Variants in DAB1 observed in about 807,000 individuals in gnomAD.
DAB1 encodes the protein DAB adaptor protein 1.
A neutral mutation model predicts 64.6 loss-of-function variants in DAB1; 15 were observed. The observed-to-expected ratio is 0.23, with a 90% CI of 0.16 to 0.36. The LOEUF (loss-of-function observed/expected upper bound fraction) is 0.36, where lower values mean the gene tolerates loss of function less well. Among genes scored for constraint, DAB1 ranks in the 10% least tolerant of loss-of-function variants. The pLI is 1.00. For synonymous variants in DAB1, 235 were observed against 251.9 expected (o/e 0.93, Z 0.64); for missense variants, 596 against 706.7 (o/e 0.84, Z 1.78).
At chr1:58,120,429 C>T (rs993314390) in intron 5 of DAB1, among the ~76,000 whole-genome samples, 101 of 152,228 alleles carry the variant, frequency 6.6e-4, no homozygotes, top group African/African-American at 2.3e-3. Context: ...GGATTCTATT[C>T]TCAGTTAGGG....
intron 1 of DAB1, among the ~76,000 whole-genome samples, chr1:57,299,821 T>C (rs1237344438): frequency 6.6e-6 from 1 of 152,230 alleles, no homozygotes; most frequent in African/African-American, 2.4e-5. Flanking sequence ...TTTAGACCTT[T>C]AAGCTCTTTC....
At chr1:58,258,263 A>G (rs1482184796) in intron 4 of DAB1, among the ~76,000 whole-genome samples, 3 of 152,062 alleles carry the variant, frequency 2.0e-5, no homozygotes, top group African/African-American at 7.2e-5. Context: ...GGCACCAAGG[A>G]CCCATTCTGT....
intron 4 of DAB1, among the ~76,000 whole-genome samples, chr1:58,154,055 T>A (rs1271379893): frequency 6.6e-6 from 1 of 151,794 alleles, no homozygotes; most frequent in Non-Finnish European, 1.5e-5. Context: ...AGTCAGCGAT[T>A]CCCTAAACAA....
chr1:58,296,891 T>C (rs1009488251), intron 4 of DAB1, among the ~76,000 whole-genome samples: 4 of 152,338 alleles, frequency 2.6e-5, no homozygotes, highest in African/African-American at 9.6e-5. Flanking sequence ...AATTAGCACC[T>C]ACTTCATAGG....
At chr1:58,274,728 G>C (rs977976488) in intron 4 of DAB1, among the ~76,000 whole-genome samples, 2 of 152,170 alleles carry the variant, frequency 1.3e-5, no homozygotes, top group African/African-American at 2.4e-5. Flanking sequence ...TTTTAAGCCG[G>C]TCTGAAAAGC....
intron 5 of DAB1, among the ~76,000 whole-genome samples, chr1:58,096,029 T>G (rs1272974039): frequency 1.3e-5 from 2 of 152,178 alleles, no homozygotes; most frequent in African/African-American, 4.8e-5. Flanking sequence ...GTGGGGTGAT[T>G]GGGTGTATTT....
At chr1:57,628,411 AC>A (rs1361733623) in intron 7 of DAB1, among the ~76,000 whole-genome samples, 1 of 152,036 alleles carries the variant, frequency 6.6e-6, no homozygotes, top group Non-Finnish European at 1.5e-5. Context: ...AATTCCTTCC[AC>A]CTTTTCCTGT....
At chr1:57,717,273 A>AAAAG (rs1221197133) in intron 6 of DAB1, among the ~76,000 whole-genome samples, 2 of 151,832 alleles carry the variant, frequency 1.3e-5, no homozygotes, top group Non-Finnish European at 2.9e-5. Flanking sequence ...AAATAAAAAA[A>AAAAG]AAAGAAAGAA....
intron 1 of DAB1, among the ~76,000 whole-genome samples, chr1:57,844,012 TG>T (rs1398929457): frequency 6.6e-6 from 1 of 152,370 alleles, no homozygotes; most frequent in African/African-American, 2.4e-5. Context: ...ACTTTCTGGC[TG>T]TTCCCTGAAC....
intron 9 of DAB1, among the ~76,000 whole-genome samples, chr1:57,036,752 A>T (rs186189939): frequency 2.6e-5 from 4 of 152,330 alleles, no homozygotes; most frequent in Non-Finnish European, 4.4e-5. Flanking sequence ...ATAAAAGAAG[A>T]TATTCTCATG....
chr1:57,070,915 T>C, intron 7 of DAB1, 108 bp downstream of exon 7: 3 of 972,234 alleles, frequency 3.1e-6, no homozygotes, highest in Non-Finnish European at 1.7e-6. Flanking sequence ...AATCTTGGTC[T>C]CTCTCCAGGT....
chr1:58,347,312 T>C (rs1265339823), intron 3 of DAB1, among the ~76,000 whole-genome samples: 1 of 152,150 alleles, frequency 6.6e-6, no homozygotes, highest in South Asian at 2.1e-4. Flanking sequence ...TTCACCATGT[T>C]AGTCAGGCTG....
At chr1:58,192,659 A>G (rs189623316) in intron 4 of DAB1, among the ~76,000 whole-genome samples, 141 of 152,104 alleles carry the variant, frequency 9.3e-4, no homozygotes, top group Non-Finnish European at 1.6e-3. Context: ...ATATGTATAT[A>G]TGTGTGTGTG....
intron 6 of DAB1, among the ~76,000 whole-genome samples, chr1:57,724,890 G>C (rs1320577589): frequency 6.6e-6 from 1 of 152,190 alleles, no homozygotes; most frequent in Non-Finnish European, 1.5e-5. Context: ...CTGCCACATA[G>C]GTGCTGCTCA....
At chr1:58,263,174 T>A (rs934425074) in intron 4 of DAB1, among the ~76,000 whole-genome samples, 2 of 152,208 alleles carry the variant, frequency 1.3e-5, no homozygotes, top group African/African-American at 4.8e-5. Flanking sequence ...TAATAAATAA[T>A]GATTCCTTTT....
intron 4 of DAB1, among the ~76,000 whole-genome samples, chr1:57,106,258 C>CCG (rs1034976319): frequency 7.8e-4 from 6 of 7,728 alleles, no homozygotes; most frequent in South Asian, 8.9e-3. Context: ...CCCCCTAACA[C>CCG]CCCCCCCCAT....
chr1:57,109,716 T>C (rs192879150), intron 4 of DAB1, among the ~76,000 whole-genome samples: 1 of 152,298 alleles, frequency 6.6e-6, no homozygotes, highest in Admixed American at 6.5e-5. Context: ...AGCAACCCTA[T>C]GAGGGAGGCA....
intron 4 of DAB1, among the ~76,000 whole-genome samples, chr1:57,078,647 A>G (rs1652206901): frequency 6.6e-6 from 1 of 152,190 alleles, no homozygotes; most frequent in African/African-American, 2.4e-5. Flanking sequence ...GGATGAATAA[A>G]TTAATATATG....
intron 3 of DAB1, among the ~76,000 whole-genome samples, chr1:58,486,041 A>G (rs1455649969): frequency 6.6e-6 from 1 of 152,210 alleles, no homozygotes; most frequent in East Asian, 1.9e-4. Flanking sequence ...AAAGAAACTA[A>G]CATCTACTGT....
Sources: gnomAD v4.1 joint callset for allele counts (sites outside exome capture counted in the v4.1 genomes callset) on GRCh38, gnomAD v4.1.1 for gene constraint, MANE v1.5 for transcripts, NCBI Gene and HGNC (gene_info 2026-07-23, HGNC 2026-07-21) for gene names.